Variants in DOCK8 observed in about 807,000 individuals in gnomAD.
The protein encoded by DOCK8 is dedicator of cytokinesis 8, also known as dedicator of cytokinesis protein 8.
Under a neutral mutation model 245.6 loss-of-function variants are expected in DOCK8, and 141 were observed. The observed-to-expected ratio is 0.57, with a 90% confidence interval of 0.50 to 0.66. The LOEUF (loss-of-function observed/expected upper bound fraction) is 0.66, where lower values mean the gene tolerates loss of function less well. Ranked by LOEUF, DOCK8 falls within the 30% of genes least tolerant of loss-of-function variation. The pLI is 0.00. For missense variants in DOCK8, 2,965 were observed against 2,603.4 expected, an observed-to-expected ratio of 1.14 and a Z score of -3.02; for synonymous variants, 1,168 against 970.2, an observed-to-expected ratio of 1.20 and a Z score of -3.79.
intron 16 of DOCK8, among the ~76,000 whole-genome samples, chr9:370,746 G>A (rs536153770): frequency 3.1e-4 from 47 of 152,244 alleles, no homozygotes; most frequent in African/African-American, 1.1e-3. Context: ...CCGGCAAATG[G>A]AGTCATGGGA....
intron 15 of DOCK8, chr9:368,506 T>C: frequency 1.7e-6 from 1 of 577,312 alleles, no homozygotes; most frequent in South Asian, 2.0e-5. Context: ...CTGTACACAC[T>C]GTGTTATACA....
chr9:278,299 C>A (rs544286397), intron 2 of DOCK8, among the ~76,000 whole-genome samples: 22 of 152,224 alleles, frequency 1.4e-4, no homozygotes, highest in Non-Finnish European at 2.4e-4. Context: ...GTGTTTAGTC[C>A]ATAAAGTACA....
chr9:270,376 G>A (rs2048132236), intron 1 of DOCK8, among the ~76,000 whole-genome samples: 1 of 152,156 alleles, frequency 6.6e-6, no homozygotes, highest in African/African-American at 2.4e-5. Flanking sequence ...TTGTCCTGCC[G>A]TGAGTTATGT....
intron 26 of DOCK8, among the ~76,000 whole-genome samples, chr9:401,136 G>A (rs1362927371): frequency 7.6e-6 from 1 of 130,792 alleles, no homozygotes; most frequent in Non-Finnish European, 1.5e-5. Flanking sequence ...TCTGTGGTTA[G>A]TCACTTAGTG....
chr9:277,567 G>C (rs2048409955), intron 2 of DOCK8, among the ~76,000 whole-genome samples: 3 of 152,034 alleles, frequency 2.0e-5, no homozygotes, highest in South Asian at 2.1e-4. Flanking sequence ...GGGGAGGCGA[G>C]AGGACAAGAG....
chr9:448,181 C>T (rs1401980143), intron 44 of DOCK8, among the ~76,000 whole-genome samples: 1 of 152,190 alleles, frequency 6.6e-6, no homozygotes. Flanking sequence ...CAGCCTCGAC[C>T]TCCTGGGCTC....
chr9:292,310 C>T (rs773293289), intron 4 of DOCK8, among the ~76,000 whole-genome samples: 1 of 124,840 alleles, frequency 8.0e-6, no homozygotes, highest in Non-Finnish European at 1.6e-5. Context: ...AATAGCTAAA[C>T]TGGGAGGCAG....
At chr9:232,845 C>T (rs2047150355) in intron 1 of DOCK8, among the ~76,000 whole-genome samples, 1 of 152,134 alleles carries the variant, frequency 6.6e-6, no homozygotes, top group Non-Finnish European at 1.5e-5. Context: ...TTCAAAAAAC[C>T]AGCTCCTGGA....
At chr9:300,853 A>T (rs1387880216) in intron 4 of DOCK8, among the ~76,000 whole-genome samples, 1 of 152,194 alleles carries the variant, frequency 6.6e-6, no homozygotes, top group African/African-American at 2.4e-5. Context: ...AATCAGTAAT[A>T]CAAAACCCAC....
intron 23 of DOCK8, among the ~76,000 whole-genome samples, chr9:388,630 C>G (rs1346536307): frequency 2.0e-5 from 3 of 151,848 alleles, no homozygotes; most frequent in Admixed American, 1.3e-4. Flanking sequence ...TCTTGGCTCA[C>G]TGCAACCTCT....
intron 33 of DOCK8, among the ~76,000 whole-genome samples, chr9:422,844 G>A (rs912533370): frequency 2.0e-5 from 3 of 152,128 alleles, no homozygotes; most frequent in Non-Finnish European, 4.4e-5. Context: ...AATTAGCTGG[G>A]CATGATGGCA....
At chr9:248,244 A>G (rs535912853) in intron 1 of DOCK8, among the ~76,000 whole-genome samples, 19 of 152,284 alleles carry the variant, frequency 1.2e-4, no homozygotes, top group African/African-American at 4.3e-4. Context: ...GTTTCTCCCT[A>G]TAGTCTCCCT....
rs1426713714 is a variant in DOCK8 at position 382,759 on chromosome 9, C to G, written c.2778+74C>G. 1.7e-5 allele frequency: 26 copies of G among 1,554,666 alleles called. 1 individual carries two copies. The East Asian group carries it at 6.1e-4, about 37-fold the overall frequency. ...TTAACTAAAACTTGGAGAAGTAACA[C>G]AGAAGCAACCACTACTGCTGCCCAC... On this transcript the variant is annotated intron_variant, in intron 22 of 47. Transcript: ENST00000432829.
rs141289857 is a variant in DOCK8, at chr9:419,103, C to T, written c.3840+896C>T. Among the ~76,000 whole-genome samples, 64 of 152,266 alleles carry T rather than the reference C, an allele frequency of 4.2e-4. No homozygotes were observed. In the East Asian group the frequency reaches 9.8e-3, roughly 23 times the overall value. On this transcript the variant is annotated intron_variant, in intron 30 of 47. Transcript: ENST00000432829. ...GTTCATTGATGAGCTCTGACTATCC[C>T]TTGTGAAGACAGCACTGCATCCTCC...
At chr9:389,487 C>T (rs1384518405) in intron 23 of DOCK8, among the ~76,000 whole-genome samples, 1 of 152,170 alleles carries the variant, frequency 6.6e-6, no homozygotes, top group Non-Finnish European at 1.5e-5. Flanking sequence ...CCCACCGATC[C>T]TGCTTCCCAC....
intron 10 of DOCK8, 102 bp downstream of exon 10, chr9:332,580 C>T: frequency 1.3e-6 from 1 of 779,748 alleles, no homozygotes; most frequent in Admixed American, 1.9e-5. Context: ...CCTAATGTGT[C>T]CCTATATAAG....
intron 36 of DOCK8, 132 bp from the exon 37 acceptor site, chr9:432,034 G>C (rs146948570): frequency 2.2e-6 from 2 of 897,442 alleles, no homozygotes; most frequent in Non-Finnish European, 3.5e-6. Flanking sequence ...TTCATTGAGA[G>C]AAGAGGAAAT....
At chr9:266,864 C>G (rs2129865564) in intron 1 of DOCK8, among the ~76,000 whole-genome samples, 1 of 152,064 alleles carries the variant, frequency 6.6e-6, no homozygotes, top group South Asian at 2.1e-4. Context: ...GAAATATTAT[C>G]ATGATATAAA....
intron 1 of DOCK8, among the ~76,000 whole-genome samples, chr9:225,555 A>T (rs963988105): frequency 6.6e-6 from 1 of 152,170 alleles, no homozygotes; most frequent in Admixed American, 6.5e-5. Context: ...AAGCAACTAC[A>T]TACTTATTCA....
Sources: gnomAD v4.1 joint callset for allele counts (sites outside exome capture counted in the v4.1 genomes callset) on GRCh38, gnomAD v4.1.1 for gene constraint, MANE v1.5 for transcripts, NCBI Gene and HGNC (gene_info 2026-07-23, HGNC 2026-07-21) for gene names.